The following RANGAP1 variants were observed in gnomAD, a reference collection of about 807,000 sequenced individuals.
RANGAP1 encodes Ran GTPase activating protein 1, also known as ran GTPase-activating protein 1.
In RANGAP1, 38 loss-of-function variants were observed where a neutral mutation model predicts 63.5. That is an observed-to-expected ratio of 0.60 (90% CI 0.46 to 0.78). RANGAP1 has a LOEUF of 0.78. RANGAP1 is among the 30% of genes least tolerant of loss of function. RANGAP1 has a pLI of 0.00. For synonymous variants in RANGAP1, 329 were observed against 310.5 expected (o/e 1.06, Z -0.63); for missense variants, 630 against 740.3 (o/e 0.85, Z 1.73).
intron 10 of RANGAP1, 67 bp from the exon 11 acceptor site, chr22:41,254,561 C>T: frequency 1.3e-6 from 2 of 1,510,758 alleles, no homozygotes; most frequent in Middle Eastern, 1.8e-4. Context: ...TAAGGCCTGG[C>T]TCCATGAGCC....
chr22:41,253,455 C>T (rs1054048795), intron 11 of RANGAP1, among the ~76,000 whole-genome samples: 2 of 152,232 alleles, frequency 1.3e-5, no homozygotes, highest in Admixed American at 6.5e-5. Flanking sequence ...CCCAATTCAG[C>T]GTAAGCATGG....
In RANGAP1 at chr22:41,264,778, G is replaced by A. The variant is rs138139867; in HGVS notation, c.366C>T (p.Asn122=). The change falls in exon 5 of 16, where the codon AAC becomes AAT. Residue 122 remains asparagine (N), a synonymous_variant. Coordinates refer to ENST00000356244, the MANE Select transcript of RANGAP1 (RefSeq NM_002883.4). Reference sequence around the variant, plus strand: ...CTTGCACACCGTCGGGCCCGAATGCGTTGTCGCTTAAGTCCAGCTCCACCA... The same window carrying A: ...CTTGCACACCGTCGGGCCCGAATGCATTGTCGCTTAAGTCCAGCTCCACCA... ...AQLVELDLSD[N]AFGPDGVQGF... 40 of 1,614,056 alleles carry A rather than the reference G, an allele frequency of 2.5e-5. No individual in the cohort carries two copies. The highest frequency in any genetic ancestry group is 3.3e-4 in the Middle Eastern group (2 of 6,062).
intron 2 of RANGAP1, among the ~76,000 whole-genome samples, chr22:41,280,149 T>G (rs1022960553): frequency 6.6e-6 from 1 of 151,864 alleles, no homozygotes; most frequent in Non-Finnish European, 1.5e-5. Context: ...TTAGACCTTA[T>G]GGAGATGTTA....
upstream of RANGAP1, among the ~76,000 whole-genome samples, chr22:41,287,999 A>AAATT (rs1042532881): frequency 6.6e-6 from 1 of 150,832 alleles, no homozygotes; most frequent in Admixed American, 6.6e-5. Flanking sequence ...ATAAATAAAT[A>AAATT]AATTAATTAA....
chr22:41,253,044 G>A (rs767912775), intron 11 of RANGAP1, 53 bp from the exon 12 acceptor site: 40 of 1,372,998 alleles, frequency 2.9e-5, no homozygotes, highest in Non-Finnish European at 3.4e-5. Context: ...CAGACTCCCC[G>A]ACACAGCTGT....
chr22:41,272,553 GCT>G (rs2034901232), intron 3 of RANGAP1, among the ~76,000 whole-genome samples: 1 of 151,536 alleles, frequency 6.6e-6, no homozygotes, highest in Admixed American at 6.6e-5. Context: ...ATGGAGTCTC[GCT>G]CTGTTGCTAG....
chr22:41,272,623 T>C (rs1343390831), intron 3 of RANGAP1, among the ~76,000 whole-genome samples: 1 of 151,706 alleles, frequency 6.6e-6, no homozygotes, highest in Non-Finnish European at 1.5e-5. Context: ...TGGTTTCAAG[T>C]GATTCTCCTG....
At chr22:41,275,271 T>A (rs1022061774) in intron 2 of RANGAP1, among the ~76,000 whole-genome samples, 1 of 152,100 alleles carries the variant, frequency 6.6e-6, no homozygotes, top group Non-Finnish European at 1.5e-5. Context: ...GGCAGGTGGA[T>A]TGCTTGAGCC....
chr22:41,253,953 C>T (rs5996007), intron 11 of RANGAP1, among the ~76,000 whole-genome samples: 5 of 151,966 alleles, frequency 3.3e-5, no homozygotes, highest in African/African-American at 1.2e-4. Flanking sequence ...ACTAAAGATA[C>T]AAAAATTAGC....
chr22:41,249,271 G>C, intron 15 of RANGAP1, 59 bp downstream of exon 15: 1 of 1,531,512 alleles, frequency 6.5e-7, no homozygotes, highest in Non-Finnish European at 8.8e-7. Flanking sequence ...GGCGCCTTCA[G>C]ACCTGGCCAG....
chr22:41,290,995 G>C (rs2035832199), upstream of RANGAP1, among the ~76,000 whole-genome samples: 1 of 152,326 alleles, frequency 6.6e-6, no homozygotes, highest in Admixed American at 6.5e-5. Context: ...CCACTGGTGG[G>C]AGTGGGTTGG....
chr22:41,270,015 A>T, intron 3 of RANGAP1, among the ~76,000 whole-genome samples: 1 of 149,780 alleles, frequency 6.7e-6, no homozygotes, highest in East Asian at 2.0e-4. Context: ...TTGTATTTTT[A>T]GTGGAGATGG....
At chr22:41,260,383 G>A (rs1458336127) in intron 6 of RANGAP1, among the ~76,000 whole-genome samples, 1 of 152,198 alleles carries the variant, frequency 6.6e-6, no homozygotes, top group African/African-American at 2.4e-5. Flanking sequence ...GGCAGCAGGA[G>A]CTCCCCTGCA....
chr22:41,249,611 C>CCCAGGCCTCGG, intron 14 of RANGAP1, 118 bp downstream of exon 14: 1 of 1,526,394 alleles, frequency 6.6e-7, no homozygotes, highest in Non-Finnish European at 9.0e-7. Flanking sequence ...GCCTCGGGGC[C>CCCAGGCCTCGG]CCGTGGGCGA....
rs749323437 is a variant in RANGAP1, at chr22:41,257,999, G to A, written c.723C>T (p.Ile241=). The part of the protein sequence containing the change: ...AFAVNPLLRV[I]NLNDNTFTEK... ...CAGTGAAGGTGTTGTCATTCAGGTT[G>A]ATGACCCGCAGCAGGGGGTTGACAG... is the stretch of plus-strand genomic sequence containing the variant. Residue 241 remains isoleucine (I), a synonymous_variant, in exon 7 of 16, where the codon ATC becomes ATT. Coordinates refer to ENST00000356244, the MANE Select transcript of RANGAP1 (RefSeq NM_002883.4). The surrounding 1 kb of genome is among the most constrained non-coding windows in gnomAD (Gnocchi z 4.0). 80 of 1,613,290 alleles carry A rather than the reference G, an allele frequency of 5.0e-5. 1 individual carries two copies. In the South Asian group the frequency reaches 8.4e-4, roughly 17 times the overall value.
chr22:41,283,601 A>G (rs2035609357), intron 1 of RANGAP1, among the ~76,000 whole-genome samples: 1 of 152,178 alleles, frequency 6.6e-6, no homozygotes, highest in Non-Finnish European at 1.5e-5. Context: ...GATATCAGGG[A>G]TTGGGCCATG....
chr22:41,285,825 A>C (rs1028569208), intron 1 of RANGAP1, 161 bp downstream of exon 1: 1 of 583,502 alleles, frequency 1.7e-6, no homozygotes, highest in Non-Finnish European at 2.2e-6. Flanking sequence ...GCCGCTCAAC[A>C]ACCCCACTCC....
At chr22:41,282,819 C>T (rs1228504552) in intron 1 of RANGAP1, among the ~76,000 whole-genome samples, 2 of 152,064 alleles carry the variant, frequency 1.3e-5, no homozygotes, top group South Asian at 2.1e-4. Flanking sequence ...TATGAATAAA[C>T]GTATCTGTGA....
intron 11 of RANGAP1, 146 bp downstream of exon 11, chr22:41,254,161 CT>C (rs1387342096): frequency 7.5e-6 from 6 of 802,394 alleles, no homozygotes; most frequent in Non-Finnish European, 9.8e-6. Context: ...GACCATTTTC[CT>C]TTTTTTACTC....
Sources: gnomAD v4.1 joint callset for allele counts (sites outside exome capture counted in the v4.1 genomes callset) on GRCh38, gnomAD v4.1.1 for gene constraint, Gnocchi (gnomAD v3.1) non-coding constraint, MANE v1.5 for transcripts, NCBI Gene and HGNC (gene_info 2026-07-23, HGNC 2026-07-21) for gene names.